Variants in THRAP3 observed in about 807,000 individuals in gnomAD.
THRAP3 encodes thyroid hormone receptor associated protein 3.
A neutral mutation model predicts 101.0 loss-of-function variants in THRAP3; 16 were observed. The observed-to-expected ratio is 0.16, with a 90% confidence interval of 0.11 to 0.24. THRAP3 has a LOEUF of 0.24. THRAP3 is among the 10% of genes least tolerant of loss of function. The probability of loss-of-function intolerance (pLI) is 1.00; values close to 1 mark genes in which losing one functional copy is unlikely to be tolerated. For missense variants in THRAP3, 989 were observed against 1,202.7 expected, an observed-to-expected ratio of 0.82 and a Z score of 2.63; for synonymous variants, 407 against 422.6, an observed-to-expected ratio of 0.96 and a Z score of 0.45.
rs1216901841 is a variant in THRAP3, at chr1:36,304,105, AT to A, written c.*90del. On this transcript the variant is annotated 3_prime_UTR_variant, in exon 12 of 12. Coordinates refer to ENST00000354618, the MANE Select transcript of THRAP3 (RefSeq NM_005119.4). ...AGCTTAACAGAGGAACCTCAAGAAG[AT>A]TCTGAAAATCCTACCCCCACCCCCC... The A allele has an allele frequency of 7.0e-7, 1 of 1,435,962 alleles. No individual in the cohort carries two copies. The allele number at this position is 1,435,962 out of a possible 1,614,324, so 89.0% of individuals were successfully genotyped here.
intron 2 of THRAP3, among the ~76,000 whole-genome samples, chr1:36,271,165 G>T (rs1482539669): frequency 6.6e-6 from 1 of 152,148 alleles, no homozygotes; most frequent in Non-Finnish European, 1.5e-5. Context: ...ATGTATGTCT[G>T]TAACTACAGA....
At chr1:36,229,717 A>G (rs550907126) in intron 1 of THRAP3, among the ~76,000 whole-genome samples, 2 of 151,972 alleles carry the variant, frequency 1.3e-5, no homozygotes, top group Admixed American at 6.6e-5. Context: ...CAGTGGCGCA[A>G]TCTCAGCTCA....
chr1:36,277,736 G>T (rs1645678777), intron 2 of THRAP3, among the ~76,000 whole-genome samples: 2 of 151,962 alleles, frequency 1.3e-5, no homozygotes, highest in African/African-American at 2.4e-5. Context: ...TAGATGTATG[G>T]TCAATTGGGT....
At position 36,282,530 on chromosome 1, in the gene THRAP3, T is replaced by G; in HGVS notation, c.-31-3T>G. ...TTTGTTCTAATGCATTTTCTTACAT[T>G]AGGTGTAATTGAAAAGTGATCCTCT... On this transcript the variant is annotated splice_polypyrimidine_tract_variant and splice_region_variant and intron_variant, in intron 2 of 11. Transcript: ENST00000354618. 6.2e-7 allele frequency: 1 copy of G among 1,605,416 alleles called. No homozygotes were observed. Among genetic ancestry groups the G allele is most frequent in the Non-Finnish European group, 8.5e-7 (1 of 1,174,238 alleles).
rs1194697672 is a variant in THRAP3 at position 36,305,153 on chromosome 1, A to G, written c.*1136A>G. On this transcript the variant is annotated 3_prime_UTR_variant, in exon 12 of 12. Transcript: ENST00000354618. ...CAGGTGAATCATAAGGCATTTATGC[A>G]TATGTTATATGCGGACTGCACCCAC... 7 of 220,370 alleles carry G rather than the reference A, an allele frequency of 3.2e-5. No individual in the cohort carries two copies. The highest frequency in any genetic ancestry group is 6.4e-5 in the Non-Finnish European group (7 of 110,000). The allele number at this position is 220,370 out of a possible 1,614,324, so 13.7% of individuals were successfully genotyped here. A position where few individuals can be genotyped will look rare whatever the true frequency, so the allele number is the denominator to read the frequency against.
intron 3 of THRAP3, among the ~76,000 whole-genome samples, chr1:36,284,180 CTG>C (rs1423294712): frequency 6.6e-6 from 1 of 152,214 alleles, no homozygotes; most frequent in African/African-American, 2.4e-5. Flanking sequence ...TTAACCAACT[CTG>C]AAGTATTTAT....
At chr1:36,281,841 C>T (rs745801572) in intron 2 of THRAP3, among the ~76,000 whole-genome samples, 8 of 151,912 alleles carry the variant, frequency 5.3e-5, no homozygotes, top group Admixed American at 1.3e-4. Context: ...GAGGCCGAGC[C>T]GGGCAGATTA....
At chr1:36,220,285 G>A (rs1252418139), upstream of THRAP3, among the ~76,000 whole-genome samples, 2 of 152,202 alleles carry the variant, frequency 1.3e-5, no homozygotes, top group Non-Finnish European at 2.9e-5. Flanking sequence ...GAGCCACTGT[G>A]CCCAGCCCTA....
intron 2 of THRAP3, among the ~76,000 whole-genome samples, chr1:36,275,431 C>CA (rs1315845959): frequency 1.1e-4 from 16 of 150,224 alleles, no homozygotes; most frequent in African/African-American, 3.9e-4. Context: ...ACTAAAAATA[C>CA]AAAAAACTAG....
At chr1:36,222,329 A>G (rs966626922), upstream of THRAP3, among the ~76,000 whole-genome samples, 1 of 152,186 alleles carries the variant, frequency 6.6e-6, no homozygotes, top group Non-Finnish European at 1.5e-5. Context: ...ACTTGGACTA[A>G]CCTTACTGCA....
At chr1:36,299,805 G>A (rs1171151895) in intron 9 of THRAP3, among the ~76,000 whole-genome samples, 2 of 152,142 alleles carry the variant, frequency 1.3e-5, no homozygotes, top group East Asian at 1.9e-4. Context: ...CACTACGCCC[G>A]GCCAGAGACT....
intron 1 of THRAP3, among the ~76,000 whole-genome samples, chr1:36,257,848 TTTG>T (rs1645395111): frequency 2.0e-5 from 3 of 152,210 alleles, no homozygotes; most frequent in African/African-American, 4.8e-5. Flanking sequence ...ATTGTGTTTT[TTTG>T]TTGTTTTGAG....
intron 8 of THRAP3, chr1:36,294,371 GT>G (rs916118126): frequency 2.8e-5 from 9 of 316,966 alleles, no homozygotes; most frequent in African/African-American, 1.8e-4. Context: ...AGCTGGTCCA[GT>G]TTTTTTTCCT....
chr1:36,294,100 G>A, intron 8 of THRAP3, 165 bp downstream of exon 8: 1 of 1,411,112 alleles, frequency 7.1e-7, no homozygotes. Context: ...TTTATTAAAT[G>A]TATCAACAAC....
At chr1:36,213,429 G>T in the THRAP3 span, among the ~76,000 whole-genome samples, 1 of 152,152 alleles carries the variant, frequency 6.6e-6, no homozygotes, top group East Asian at 1.9e-4. Flanking sequence ...GATGGTAGAA[G>T]ATTCAGTAGA....
chr1:36,240,864 C>G (rs1645146399), intron 1 of THRAP3, among the ~76,000 whole-genome samples: 1 of 152,138 alleles, frequency 6.6e-6, no homozygotes, highest in Non-Finnish European at 1.5e-5. Flanking sequence ...CAGTTTTTCA[C>G]TAAGCAAAAT....
chr1:36,280,056 A>G (rs1645712222), intron 2 of THRAP3, among the ~76,000 whole-genome samples: 1 of 152,144 alleles, frequency 6.6e-6, no homozygotes. Context: ...AGGCCAGGGC[A>G]GGAGGATCCA....
intron 6 of THRAP3, among the ~76,000 whole-genome samples, 176 bp from the exon 7 acceptor site, chr1:36,292,422 C>T (rs1645887630): frequency 6.6e-6 from 1 of 151,364 alleles, no homozygotes; most frequent in African/African-American, 2.4e-5. Flanking sequence ...CAGGCGCCCG[C>T]CACCATGCCC....
intron 2 of THRAP3, among the ~76,000 whole-genome samples, chr1:36,275,875 C>A (rs1037888472): frequency 6.6e-6 from 1 of 151,886 alleles, no homozygotes; most frequent in African/African-American, 2.4e-5. Flanking sequence ...AAATATTAGC[C>A]AGGCATGGTG....
Sources: allele counts gnomAD v4.1 joint callset (sites outside exome capture counted in the v4.1 genomes callset), GRCh38; gene constraint gnomAD v4.1.1; transcripts MANE v1.5; gene names NCBI Gene and HGNC (gene_info 2026-07-23, HGNC 2026-07-21).